ECT2L: variants seen among roughly 807,000 people sequenced by gnomAD.
ECT2L encodes the protein epithelial cell transforming 2 like, also known as epithelial cell-transforming sequence 2 oncogene-like.
In ECT2L, 126 loss-of-function variants were observed where a neutral mutation model predicts 122.8. That is an observed-to-expected ratio of 1.03 (90% confidence interval 0.89 to 1.19). ECT2L has a LOEUF of 1.19. Among genes scored for constraint, ECT2L ranks in the 50% most tolerant of loss-of-function variants. The probability of loss-of-function intolerance (pLI) is 0.00; values close to 1 mark genes in which losing one functional copy is unlikely to be tolerated. For synonymous variants in ECT2L, 385 were observed against 381.8 expected (o/e 1.01, Z -0.10); for missense variants, 1,012 against 1,064.1 (o/e 0.95, Z 0.68).
chr6:138,824,668 C>T (rs374416024), intron 4 of ECT2L, among the ~76,000 whole-genome samples: 1 of 151,826 alleles, frequency 6.6e-6, no homozygotes, highest in East Asian at 1.9e-4. Context: ...TATGAGACGG[C>T]ATTAAGCAGG....
At chr6:138,847,537 ATTTTTT>A (rs777070599) in intron 8 of ECT2L, among the ~76,000 whole-genome samples, 5 of 123,832 alleles carry the variant, frequency 4.0e-5, no homozygotes, top group Admixed American at 2.4e-4. Flanking sequence ...TGCCCGGCTA[ATTTTTT>A]TTTTTTTTTT....
intron 20 of ECT2L, among the ~76,000 whole-genome samples, chr6:138,892,895 T>C (rs1779079991): frequency 6.6e-6 from 1 of 152,050 alleles, no homozygotes; most frequent in Non-Finnish European, 1.5e-5. Context: ...TGGCTGGGAG[T>C]TAGGTCATAT....
At position 138,865,143 on chromosome 6, in the gene ECT2L, A is replaced by G; in HGVS notation, c.1439A>G (p.Lys480Arg). 6.2e-7 allele frequency: 1 copy of G among 1,613,534 alleles called. No homozygotes were observed. Among genetic ancestry groups the G allele is most frequent in the African/African-American group, 1.3e-5 (1 of 75,058 alleles). Residue 480 changes from lysine to arginine, a missense_variant, in exon 12 of 22, where the codon AAG (lysine) becomes AGG (arginine). By Grantham distance (26) the Lys-to-Arg change is conservative. Transcript: ENST00000541398. ...TVRKQLYPFF[K>R]ELQKSISGRM... ...AGGAAGCAGCTGTATCCTTTCTTCA[A>G]GGAACTGCAGAAGAGCATCAGTGGC...
At chr6:138,873,672 T>C (rs1244357686) in intron 13 of ECT2L, among the ~76,000 whole-genome samples, 2 of 152,046 alleles carry the variant, frequency 1.3e-5, no homozygotes, top group African/African-American at 4.8e-5. Flanking sequence ...TGGGCGCCTG[T>C]AATCCCAGCT....
At chr6:138,866,356 T>C (rs1778038969) in intron 12 of ECT2L, among the ~76,000 whole-genome samples, 1 of 152,174 alleles carries the variant, frequency 6.6e-6, no homozygotes, top group African/African-American at 2.4e-5. Context: ...TCTTACTCTG[T>C]CACCCAGGCT....
chr6:138,837,348 C>G (rs1218966424), intron 4 of ECT2L, among the ~76,000 whole-genome samples: 1 of 152,098 alleles, frequency 6.6e-6, no homozygotes, highest in African/African-American at 2.4e-5. Flanking sequence ...TCTCCTTCTC[C>G]CCTTCTGCAC....
At chr6:138,893,175 T>G (rs999250559) in intron 20 of ECT2L, among the ~76,000 whole-genome samples, 27 of 118,194 alleles carry the variant, frequency 2.3e-4, no homozygotes, top group East Asian at 3.2e-4. Flanking sequence ...TTTTTTTTTG[T>G]TTTTTTTTTG....
chr6:138,895,758 G>A (rs976418726), intron 20 of ECT2L, among the ~76,000 whole-genome samples: 1 of 151,942 alleles, frequency 6.6e-6, no homozygotes, highest in African/African-American at 2.4e-5. Flanking sequence ...ATTTTTAGTA[G>A]AGATGGGTTT....
Position 138,885,813 on chromosome 6 carries a change from A to G in ECT2L, c.2242A>G (p.Lys748Glu). 1 of 1,614,102 alleles carries G rather than the reference A, an allele frequency of 6.2e-7. No individual in the cohort carries two copies. Among genetic ancestry groups the G allele is most frequent in the Non-Finnish European group, 8.5e-7 (1 of 1,179,984 alleles). ...TTAIDQIKKY[K>E]GYIDQMKQNI... ...TGCAATTGACCAAATCAAAAAATAT[A>G]AAGGTTATATAGATCAGGTTGGTTG... Residue 748 changes from lysine to glutamate, a missense_variant, in exon 18 of 22, where the codon AAA becomes GAA. Coordinates refer to ENST00000541398, the MANE Select transcript of ECT2L (RefSeq NM_001077706.3).
At chr6:138,899,053 C>T (rs1779308561) in intron 20 of ECT2L, among the ~76,000 whole-genome samples, 1 of 151,934 alleles carries the variant, frequency 6.6e-6, no homozygotes, top group Non-Finnish European at 1.5e-5. Flanking sequence ...TTGACCAATC[C>T]GTCCTACTCT....
chr6:138,875,630 T>C (rs1429603547), intron 13 of ECT2L, among the ~76,000 whole-genome samples: 1 of 152,190 alleles, frequency 6.6e-6, no homozygotes, highest in Non-Finnish European at 1.5e-5. Flanking sequence ...CAAGAATAGT[T>C]AACAAGGTAA....
rs74548417 is a variant in ECT2L at position 138,846,530 on chromosome 6, A to T, written c.765-9A>T. 2,613 of 1,570,350 alleles carry T rather than the reference A, an allele frequency of 1.7e-3. 46 individuals are homozygous for T. The African/African-American group carries it at 0.03, about 18-fold the overall frequency. On this transcript the variant is annotated splice_polypyrimidine_tract_variant and intron_variant, in intron 7 of 21. Coordinates refer to ENST00000541398, the MANE Select transcript of ECT2L (RefSeq NM_001077706.3). ...ATGAAAACTTCTCATATTTCCTTTT[A>T]CTCCATAGAAGCAATATTTCTGGAA...
chr6:138,843,965 C>T (rs1018574549), intron 6 of ECT2L, among the ~76,000 whole-genome samples: 1 of 152,214 alleles, frequency 6.6e-6, no homozygotes, highest in South Asian at 2.1e-4. Flanking sequence ...GCTGGGATTA[C>T]AGGCAGAGCC....
In ECT2L at chr6:138,819,795, G is replaced by A. The variant is rs1776208987; in HGVS notation, c.179+5192G>A. 5.3e-5 allele frequency among the ~76,000 whole-genome samples: 8 copies of A among 151,964 alleles called. No individual in the cohort carries two copies. In the South Asian group the frequency reaches 1.7e-3, roughly 32 times the overall value. On this transcript the variant is annotated intron_variant, in intron 4 of 21. Transcript: ENST00000541398. ...CCAGCTATTCGGGAGGCTGAGGCAG[G>A]AGAATCGCTTGAACCTGGGAGGTGG... is the stretch of plus-strand genomic sequence containing the variant.
At chr6:138,891,626 C>A (rs554233040) in intron 20 of ECT2L, among the ~76,000 whole-genome samples, 1 of 152,260 alleles carries the variant, frequency 6.6e-6, no homozygotes, top group African/African-American at 2.4e-5. Context: ...TCAAGCTGTC[C>A]CATCTTTCTG....
chr6:138,824,581 C>CAAAAAAAAAAA (rs1491037699), intron 4 of ECT2L, among the ~76,000 whole-genome samples: 32 of 116,666 alleles, frequency 2.7e-4, no homozygotes, highest in East Asian at 3.7e-4. Flanking sequence ...AAAACAAAAA[C>CAAAAAAAAAAA]AAAAAAAACA....
intron 21 of ECT2L, 110 bp downstream of exon 21, chr6:138,901,230 C>T (rs1039750739): frequency 6.3e-6 from 7 of 1,111,156 alleles, no homozygotes; most frequent in South Asian, 1.6e-5. Context: ...TACCAGGTTG[C>T]AAACAATTCC....
intron 19 of ECT2L, among the ~76,000 whole-genome samples, chr6:138,888,142 T>C (rs1778889826): frequency 6.6e-6 from 1 of 152,132 alleles, no homozygotes; most frequent in Admixed American, 6.6e-5. Context: ...CTGGACATTT[T>C]GTAGGGAAAG....
At chr6:138,888,321 T>TC (rs1244484363) in intron 19 of ECT2L, among the ~76,000 whole-genome samples, 4 of 97,452 alleles carry the variant, frequency 4.1e-5, no homozygotes, top group East Asian at 3.0e-4. Context: ...TCTTTTCTTT[T>TC]TTTTTTTTTT....
Sources: allele counts gnomAD v4.1 joint callset (sites outside exome capture counted in the v4.1 genomes callset), GRCh38; gene constraint gnomAD v4.1.1; transcripts MANE v1.5; gene names NCBI Gene and HGNC (gene_info 2026-07-23, HGNC 2026-07-21).